Variants in LINGO2 observed in about 807,000 individuals in gnomAD.
LINGO2 encodes the protein leucine rich repeat and Ig domain containing 2.
LINGO2 carries 14 observed loss-of-function variants against 30.6 expected under a neutral mutation model. The ratio of observed to expected loss-of-function variants is 0.46; its 90% confidence interval spans 0.30 to 0.72. The LOEUF is 0.72. Among genes scored for constraint, LINGO2 ranks in the 30% least tolerant of loss-of-function variants. The probability of loss-of-function intolerance (pLI) is 0.07; values close to 1 mark genes in which losing one functional copy is unlikely to be tolerated. For synonymous variants in LINGO2, 317 were observed against 288.5 expected (o/e 1.10, Z -1.00); for missense variants, 729 against 751.7 (o/e 0.97, Z 0.35).
chr9:28,489,662 G>A (rs1587743553), intron 1 of LINGO2, among the ~76,000 whole-genome samples: 1 of 151,968 alleles, frequency 6.6e-6, no homozygotes, highest in East Asian at 1.9e-4. Flanking sequence ...ACTTTGGGAG[G>A]CCGAGGCAGG....
At chr9:28,889,839 T>C in the LINGO2 span, among the ~76,000 whole-genome samples, 1 of 151,312 alleles carries the variant, frequency 6.6e-6, no homozygotes, top group Non-Finnish European at 1.5e-5. Flanking sequence ...TCAAGGTAAA[T>C]ATTTTTCCAA....
the LINGO2 span, among the ~76,000 whole-genome samples, chr9:29,173,142 C>T: frequency 6.6e-6 from 1 of 151,958 alleles, no homozygotes; most frequent in African/African-American, 2.4e-5. Context: ...TCTTTTCACC[C>T]AACCTTTGGG....
intron 2 of LINGO2, among the ~76,000 whole-genome samples, chr9:28,374,380 G>T (rs1821038858): frequency 6.6e-6 from 1 of 151,706 alleles, no homozygotes; most frequent in Admixed American, 6.6e-5. Flanking sequence ...TTTTTTATAA[G>T]GAGAAAATAA....
At chr9:27,992,242 C>G (rs1213776500) in intron 5 of LINGO2, among the ~76,000 whole-genome samples, 5 of 152,056 alleles carry the variant, frequency 3.3e-5, no homozygotes, top group African/African-American at 9.7e-5. Flanking sequence ...TGCTTAAATC[C>G]TTTTGTTTTC....
chr9:28,038,692 C>CAAAAAAAAAA (rs35216202), intron 4 of LINGO2, among the ~76,000 whole-genome samples: 1 of 118,884 alleles, frequency 8.4e-6, no homozygotes, highest in South Asian at 2.7e-4. Context: ...GACTCCGTCT[C>CAAAAAAAAAA]AAAAAAAAAA....
At chr9:28,371,843 G>C (rs1020120748) in intron 3 of LINGO2, among the ~76,000 whole-genome samples, 1 of 152,182 alleles carries the variant, frequency 6.6e-6, no homozygotes, top group African/African-American at 2.4e-5. Flanking sequence ...GCTGAGGAAT[G>C]TTAGGGAAAC....
intron 4 of LINGO2, among the ~76,000 whole-genome samples, chr9:28,194,959 T>G (rs566309006): frequency 6.6e-6 from 1 of 152,064 alleles, no homozygotes; most frequent in African/African-American, 2.4e-5. Flanking sequence ...TGAAACATAT[T>G]AGTAGTAGAG....
At chr9:28,869,489 ACTTGCG>A in the LINGO2 span, among the ~76,000 whole-genome samples, 6 of 152,208 alleles carry the variant, frequency 3.9e-5, no homozygotes, top group East Asian at 1.2e-3. Context: ...AGAAAACAGT[ACTTGCG>A]AAATTCAAGA....
At chr9:28,572,116 C>T (rs1319755580) in intron 1 of LINGO2, among the ~76,000 whole-genome samples, 3 of 152,022 alleles carry the variant, frequency 2.0e-5, no homozygotes, top group Non-Finnish European at 2.9e-5. Flanking sequence ...CCTCCTTCAG[C>T]CCTGACATTT....
At chr9:28,455,155 A>G (rs1824795736) in intron 2 of LINGO2, among the ~76,000 whole-genome samples, 1 of 152,054 alleles carries the variant, frequency 6.6e-6, no homozygotes, top group South Asian at 2.1e-4. Context: ...CTTACCACAT[A>G]GAATATGAGT....
chr9:28,840,396 C>T, the LINGO2 span, among the ~76,000 whole-genome samples: 1 of 151,878 alleles, frequency 6.6e-6, no homozygotes, highest in Non-Finnish European at 1.5e-5. Context: ...TAAGTTTTAT[C>T]AACAATGTAT....
At chr9:28,376,087 CTT>C (rs75147834) in intron 2 of LINGO2, among the ~76,000 whole-genome samples, 94 of 138,582 alleles carry the variant, frequency 6.8e-4, no homozygotes, top group Middle Eastern at 3.8e-3. Context: ...ACTTTCCTTG[CTT>C]TTTTTTTTTT....
chr9:28,279,614 T>A (rs1162744369), intron 4 of LINGO2, among the ~76,000 whole-genome samples: 2 of 152,208 alleles, frequency 1.3e-5, no homozygotes, highest in African/African-American at 4.8e-5. Flanking sequence ...ATCATGTTAC[T>A]GTACACTTAA....
At chr9:29,084,151 T>C in the LINGO2 span, among the ~76,000 whole-genome samples, 13 of 151,828 alleles carry the variant, frequency 8.6e-5, no homozygotes, top group African/African-American at 2.9e-4. Flanking sequence ...ATTCAATTCA[T>C]GACAAAGGTG....
At chr9:28,464,371 A>T (rs1825211767) in intron 2 of LINGO2, among the ~76,000 whole-genome samples, 1 of 152,174 alleles carries the variant, frequency 6.6e-6, no homozygotes, top group Non-Finnish European at 1.5e-5. Flanking sequence ...TCTAAGTTTT[A>T]TATTATAGTT....
chr9:28,446,052 T>C (rs914261142), intron 2 of LINGO2, among the ~76,000 whole-genome samples: 2 of 152,216 alleles, frequency 1.3e-5, no homozygotes, highest in African/African-American at 4.8e-5. Context: ...TAGAACATTA[T>C]AGAGAAAATA....
intron 5 of LINGO2, among the ~76,000 whole-genome samples, chr9:27,975,673 T>C (rs1430146957): frequency 6.6e-6 from 1 of 152,146 alleles, no homozygotes; most frequent in Non-Finnish European, 1.5e-5. Flanking sequence ...TGTAACCAAA[T>C]GTAATACATT....
intron 1 of LINGO2, among the ~76,000 whole-genome samples, chr9:28,613,938 T>TG (rs1032569377): frequency 2.6e-5 from 3 of 116,256 alleles, no homozygotes; most frequent in African/African-American, 1.1e-4. Context: ...TTCCATATCG[T>TG]TTTTCATATC....
At chr9:28,055,071 G>A (rs7037858) in intron 4 of LINGO2, among the ~76,000 whole-genome samples, 4 of 152,086 alleles carry the variant, frequency 2.6e-5, no homozygotes, top group African/African-American at 9.6e-5. Context: ...GAAGCTAGAT[G>A]GTAATCAAAA....
Sources: allele counts gnomAD v4.1 joint callset (sites outside exome capture counted in the v4.1 genomes callset), GRCh38; gene constraint gnomAD v4.1.1; transcripts MANE v1.5; gene names NCBI Gene and HGNC (gene_info 2026-07-23, HGNC 2026-07-21).